Variants in C9orf85 observed in about 807,000 individuals in gnomAD.
C9orf85 encodes the protein chromosome 9 open reading frame 85.
C9orf85 carries 16 observed loss-of-function variants against 14.9 expected under a neutral mutation model. The ratio of observed to expected loss-of-function variants is 1.08; its 90% CI spans 0.73 to 1.63. C9orf85 has a LOEUF of 1.63. Ranked by LOEUF, C9orf85 falls within the 40% of genes most tolerant of loss-of-function variation. The pLI, the probability that C9orf85 is intolerant of heterozygous loss-of-function variation, is 0.00. For missense variants in C9orf85, 172 were observed against 186.1 expected (o/e 0.92, Z 0.44); for synonymous variants, 45 against 56.8 (o/e 0.79, Z 0.93).
intron 1 of C9orf85, among the ~76,000 whole-genome samples, chr9:71,915,383 G>A (rs1220016145): frequency 6.6e-6 from 1 of 151,866 alleles, no homozygotes. Context: ...GTTTCACTAT[G>A]TTGGCCAGGT....
intron 1 of C9orf85, among the ~76,000 whole-genome samples, chr9:71,915,780 A>G (rs1046867833): frequency 1.3e-5 from 2 of 152,210 alleles, no homozygotes; most frequent in Admixed American, 1.3e-4. Flanking sequence ...CTTCTCATTC[A>G]GTAAAGTGGA....
chr9:71,943,770 A>G (rs996015990), intron 1 of C9orf85, among the ~76,000 whole-genome samples: 5 of 151,462 alleles, frequency 3.3e-5, no homozygotes, highest in African/African-American at 1.2e-4. Context: ...TGAACTCCCA[A>G]TCTCAGGTGA....
chr9:71,932,760 G>A (rs939778999), intron 1 of C9orf85, among the ~76,000 whole-genome samples: 11 of 151,966 alleles, frequency 7.2e-5, no homozygotes, highest in Non-Finnish European at 1.5e-4. Context: ...TCATTCAAAG[G>A]AAAAAAGTAA....
At chr9:71,960,914 T>G (rs770100921) in intron 2 of C9orf85, among the ~76,000 whole-genome samples, 74 of 126,904 alleles carry the variant, frequency 5.8e-4, no homozygotes, top group Admixed American at 3.0e-3. Flanking sequence ...TTCCAAATTG[T>G]TTTTTTTTTT....
At chr9:71,970,955 A>G (rs1340586975) in intron 2 of C9orf85, among the ~76,000 whole-genome samples, 2 of 151,842 alleles carry the variant, frequency 1.3e-5, no homozygotes, top group African/African-American at 2.4e-5. Context: ...GGGTTTCACC[A>G]TGTTGGCCAG....
At chr9:71,963,335 G>A (rs761053039) in intron 2 of C9orf85, among the ~76,000 whole-genome samples, 1 of 152,120 alleles carries the variant, frequency 6.6e-6, no homozygotes, top group African/African-American at 2.4e-5. Flanking sequence ...CAAGATGGCG[G>A]TGTGCTGCTT....
chr9:71,973,802 T>C (rs1026142119), downstream of C9orf85, among the ~76,000 whole-genome samples: 1 of 151,608 alleles, frequency 6.6e-6, no homozygotes, highest in Admixed American at 6.6e-5. Flanking sequence ...TCTTAATTTT[T>C]TTACTACCCA....
At chr9:71,924,333 T>G (rs1444350747) in intron 1 of C9orf85, among the ~76,000 whole-genome samples, 2 of 148,002 alleles carry the variant, frequency 1.4e-5, no homozygotes, top group Non-Finnish European at 3.0e-5. Context: ...CTCAGATGTA[T>G]TTTTAGTTAG....
intron 1 of C9orf85, among the ~76,000 whole-genome samples, chr9:71,929,249 T>C (rs1828012829): frequency 1.3e-5 from 2 of 152,206 alleles, no homozygotes; most frequent in Admixed American, 1.3e-4. Flanking sequence ...TTAGGAAATC[T>C]CATTCTTCTT....
intron 1 of C9orf85, among the ~76,000 whole-genome samples, chr9:71,943,218 G>A (rs1200202267): frequency 6.6e-6 from 1 of 150,756 alleles, no homozygotes; most frequent in Non-Finnish European, 1.5e-5. Context: ...ATTGGCATTG[G>A]CATTTTTCTT....
At chr9:71,921,300 T>G (rs1827797895) in intron 1 of C9orf85, among the ~76,000 whole-genome samples, 1 of 152,196 alleles carries the variant, frequency 6.6e-6, no homozygotes, top group African/African-American at 2.4e-5. Context: ...CACTGGCTAT[T>G]CTCTCTGAAG....
chr9:71,976,973 A>T (rs1487161026), downstream of C9orf85, among the ~76,000 whole-genome samples: 1 of 152,172 alleles, frequency 6.6e-6, no homozygotes, highest in Non-Finnish European at 1.5e-5. Flanking sequence ...ACTTTTCAAA[A>T]CAGGCTGTTT....
intron 2 of C9orf85, among the ~76,000 whole-genome samples, chr9:71,948,463 G>A (rs1822156426): frequency 6.6e-6 from 1 of 151,962 alleles, no homozygotes; most frequent in Admixed American, 6.6e-5. Flanking sequence ...CCGTTTTGGA[G>A]CAGTCTAGTA....
At chr9:71,932,032 G>T (rs1334347841) in intron 1 of C9orf85, among the ~76,000 whole-genome samples, 1 of 152,138 alleles carries the variant, frequency 6.6e-6, no homozygotes, top group African/African-American at 2.4e-5. Flanking sequence ...ATATCTTAGG[G>T]TTGAGTCCAG....
At chr9:71,964,393 C>T (rs1023557277) in intron 2 of C9orf85, among the ~76,000 whole-genome samples, 1 of 152,204 alleles carries the variant, frequency 6.6e-6, no homozygotes, top group African/African-American at 2.4e-5. Flanking sequence ...CTTGCTGCTG[C>T]TCACTCTTTG....
At chr9:71,922,276 A>C (rs775066445) in intron 1 of C9orf85, among the ~76,000 whole-genome samples, 3 of 152,006 alleles carry the variant, frequency 2.0e-5, no homozygotes, top group Non-Finnish European at 4.4e-5. Flanking sequence ...CAGATCATTC[A>C]TTATTACTTT....
chr9:71,975,012 C>T (rs939082297), downstream of C9orf85, among the ~76,000 whole-genome samples: 1 of 152,074 alleles, frequency 6.6e-6, no homozygotes, highest in African/African-American at 2.4e-5. Flanking sequence ...GGATGTAATA[C>T]TAATTTACTG....
chr9:71,958,707 T>A (rs1217237642), intron 2 of C9orf85, among the ~76,000 whole-genome samples: 1 of 152,122 alleles, frequency 6.6e-6, no homozygotes, highest in African/African-American at 2.4e-5. Flanking sequence ...ATTAATGCAG[T>A]CATACCCCCT....
At chr9:71,929,771 C>T (rs925827696) in intron 1 of C9orf85, among the ~76,000 whole-genome samples, 2 of 151,298 alleles carry the variant, frequency 1.3e-5, no homozygotes, top group Non-Finnish European at 2.9e-5. Flanking sequence ...GTGTGCTCTT[C>T]CAAGTAGTAT....
Sources: gnomAD v4.1 joint callset for allele counts (sites outside exome capture counted in the v4.1 genomes callset) on GRCh38, gnomAD v4.1.1 for gene constraint, MANE v1.5 for transcripts, NCBI Gene and HGNC (gene_info 2026-07-23, HGNC 2026-07-21) for gene names.